The following CMSS1 variants were observed in gnomAD, a reference collection of about 807,000 sequenced individuals.
CMSS1 encodes protein CMSS1.
In CMSS1, 33 loss-of-function variants were observed where a neutral mutation model predicts 43.5. The ratio of observed to expected loss-of-function variants is 0.76; its 90% confidence interval spans 0.57 to 1.01. The LOEUF (loss-of-function observed/expected upper bound fraction) is 1.01. CMSS1 is among the 50% of genes least tolerant of loss of function. CMSS1 has a pLI of 0.00. For synonymous variants in CMSS1, 115 were observed against 117.2 expected (o/e 0.98, Z 0.12); for missense variants, 313 against 326.4 (o/e 0.96, Z 0.32).
intron 1 of CMSS1, among the ~76,000 whole-genome samples, chr3:100,014,895 CTTTTTTTT>C (rs1233573719): frequency 1.6e-4 from 4 of 25,008 alleles, no homozygotes; most frequent in Admixed American, 5.7e-4. Flanking sequence ...TTCTTTCTTT[CTTTTTTTT>C]TTTTTTTTTT....
At chr3:100,163,880 G>C (rs1408510135) in intron 4 of CMSS1, among the ~76,000 whole-genome samples, 1 of 152,006 alleles carries the variant, frequency 6.6e-6, no homozygotes, top group Non-Finnish European at 1.5e-5. Context: ...GGAAAAAGTA[G>C]AGGGTGGCTT....
intron 1 of CMSS1, among the ~76,000 whole-genome samples, chr3:99,958,615 A>G (rs1708406294): frequency 2.0e-5 from 3 of 152,180 alleles, no homozygotes; most frequent in Admixed American, 1.3e-4. Context: ...TTCAGAATAC[A>G]CTTCCAGTGA....
At chr3:99,889,810 A>G (rs1016311235) in intron 1 of CMSS1, among the ~76,000 whole-genome samples, 1 of 152,036 alleles carries the variant, frequency 6.6e-6, no homozygotes, top group African/African-American at 2.4e-5. Flanking sequence ...TCCTCCAAAA[A>G]AATCTAAGGA....
At chr3:99,959,582 G>A (rs1324031222) in intron 1 of CMSS1, among the ~76,000 whole-genome samples, 2 of 152,144 alleles carry the variant, frequency 1.3e-5, no homozygotes, top group African/African-American at 2.4e-5. Context: ...AGTTTTCCAC[G>A]TGTATAATTT....
chr3:100,114,903 C>T, intron 1 of CMSS1: 1 of 1,489,822 alleles, frequency 6.7e-7, no homozygotes, highest in Non-Finnish European at 9.0e-7. Flanking sequence ...CTGTGTTGGA[C>T]TCAAACTTGA....
At chr3:100,100,725 AGAT>A (rs754644581) in intron 1 of CMSS1, among the ~76,000 whole-genome samples, 1 of 152,218 alleles carries the variant, frequency 6.6e-6, no homozygotes, top group Non-Finnish European at 1.5e-5. Context: ...GAGAATACCA[AGAT>A]GATGAGAAAT....
intron 1 of CMSS1, among the ~76,000 whole-genome samples, chr3:99,997,542 A>G (rs1351341065): frequency 6.6e-6 from 1 of 152,148 alleles, no homozygotes; most frequent in Non-Finnish European, 1.5e-5. Context: ...AAGCTTTTTC[A>G]ATTTTGCCAG....
chr3:100,178,503 T>C lies in CMSS1; in HGVS notation c.*115T>C, dbSNP rs2067166281. On this transcript the variant is annotated 3_prime_UTR_variant, in exon 10 of 10. Coordinates refer to ENST00000421999, the MANE Select transcript of CMSS1 (RefSeq NM_032359.4). ...CAGCAAATAGTTTATGTTAATTGTG[T>C]CAACAGATGGATCACTGGAATGTGG... is the stretch of plus-strand genomic sequence containing the variant. 3.2e-6 allele frequency: 2 copies of C among 621,738 alleles called. No individual in the cohort carries two copies. The highest frequency in any genetic ancestry group is 5.7e-6 in the Non-Finnish European group (2 of 350,006). The allele number at this position is 621,738 out of a possible 1,614,324, so 38.5% of individuals were successfully genotyped here.
intron 1 of CMSS1, among the ~76,000 whole-genome samples, chr3:99,876,731 A>G (rs1284082327): frequency 3.9e-5 from 6 of 152,112 alleles, no homozygotes; most frequent in Admixed American, 2.0e-4. Context: ...CTACCAAACA[A>G]TTCTTCAAGT....
At chr3:99,869,642 T>C (rs1019567638) in intron 1 of CMSS1, among the ~76,000 whole-genome samples, 38 of 152,204 alleles carry the variant, frequency 2.5e-4, no homozygotes, top group Non-Finnish European at 5.3e-4. Flanking sequence ...TCTAGGCTCC[T>C]GGACCAGGCA....
chr3:99,860,515 G>A (rs1944193578), intron 1 of CMSS1, among the ~76,000 whole-genome samples: 1 of 152,168 alleles, frequency 6.6e-6, no homozygotes, highest in African/African-American at 2.4e-5. Context: ...AAGGGTCTCT[G>A]AAAGGTGAGG....
intron 6 of CMSS1, among the ~76,000 whole-genome samples, chr3:100,170,719 G>T (rs2067103049): frequency 6.6e-6 from 1 of 152,240 alleles, no homozygotes; most frequent in Non-Finnish European, 1.5e-5. Context: ...CCAAAGTAGA[G>T]GTAGAAAGGC....
intron 1 of CMSS1, among the ~76,000 whole-genome samples, chr3:99,831,149 T>TA (rs1286859998): frequency 6.6e-6 from 1 of 152,220 alleles, no homozygotes; most frequent in African/African-American, 2.4e-5. Context: ...GCATTGTTTA[T>TA]AATGATGAAA....
intron 5 of CMSS1, among the ~76,000 whole-genome samples, chr3:100,166,843 ATCCTCCTG>A (rs1365152613): frequency 4.6e-5 from 7 of 151,952 alleles, no homozygotes; most frequent in Non-Finnish European, 1.0e-4. Context: ...GGCTCTAGCG[ATCCTCCTG>A]TCTCAGCCTC....
intron 1 of CMSS1, among the ~76,000 whole-genome samples, chr3:99,845,507 A>G (rs1943325492): frequency 6.6e-6 from 1 of 152,120 alleles, no homozygotes; most frequent in African/African-American, 2.4e-5. Context: ...TCATATGAAG[A>G]TTTCTGAAGA....
chr3:99,833,134 A>G, intron 1 of CMSS1: 2 of 999,338 alleles, frequency 2.0e-6, no homozygotes, highest in Non-Finnish European at 3.1e-6. Context: ...CAAGTTGGAA[A>G]GCTCATTCAT....
chr3:99,994,922 A>G (rs1709631041), intron 1 of CMSS1, among the ~76,000 whole-genome samples: 1 of 152,134 alleles, frequency 6.6e-6, no homozygotes, highest in East Asian at 1.9e-4. Flanking sequence ...AACACATGGG[A>G]ATTATGGGAG....
intron 1 of CMSS1, among the ~76,000 whole-genome samples, chr3:99,860,364 T>C (rs1321242350): frequency 6.6e-6 from 1 of 152,154 alleles, no homozygotes; most frequent in Non-Finnish European, 1.5e-5. Context: ...GACCCATTAA[T>C]TATAAGGAGC....
chr3:99,981,759 C>T (rs1263321380), intron 1 of CMSS1, among the ~76,000 whole-genome samples: 4 of 152,098 alleles, frequency 2.6e-5, no homozygotes, highest in Non-Finnish European at 5.9e-5. Flanking sequence ...CTCATCTTTA[C>T]CCAAAAGAGG....
Sources: gnomAD v4.1 joint callset for allele counts (sites outside exome capture counted in the v4.1 genomes callset) on GRCh38, gnomAD v4.1.1 for gene constraint, MANE v1.5 for transcripts, NCBI Gene and HGNC (gene_info 2026-07-23, HGNC 2026-07-21) for gene names.